The following GABRB3 variants were observed in gnomAD, a reference collection of about 807,000 sequenced individuals.
GABRB3 encodes the protein gamma-aminobutyric acid type A receptor subunit beta3.
In GABRB3, 14 loss-of-function variants were observed where a neutral mutation model predicts 52.1. That is an observed-to-expected ratio of 0.27 (90% CI 0.18 to 0.42). The LOEUF (loss-of-function observed/expected upper bound fraction) is 0.42, where lower values mean the gene tolerates loss of function less well. Among genes scored for constraint, GABRB3 ranks in the 10% least tolerant of loss-of-function variants. The pLI, the probability that GABRB3 is intolerant of heterozygous loss-of-function variation, is 1.00. For missense variants in GABRB3, 307 were observed against 609.1 expected, an observed-to-expected ratio of 0.50 and a Z score of 5.22; for synonymous variants, 260 against 232.3, an observed-to-expected ratio of 1.12 and a Z score of -1.08.
chr15:26,604,707 A>G (rs1489767547), intron 4 of GABRB3, among the ~76,000 whole-genome samples: 2 of 150,422 alleles, frequency 1.3e-5, no homozygotes, highest in Non-Finnish European at 3.0e-5. Context: ...AAAACTGGAT[A>G]ACCGGATGCA....
At chr15:26,664,222 T>A (rs1887633711) in intron 3 of GABRB3, among the ~76,000 whole-genome samples, 1 of 152,190 alleles carries the variant, frequency 6.6e-6, no homozygotes, top group African/African-American at 2.4e-5. Context: ...GATTTTTAAA[T>A]TTTTTGTAGA....
intron 3 of GABRB3, among the ~76,000 whole-genome samples, chr15:26,714,313 G>A (rs552978100): frequency 2.0e-5 from 3 of 152,264 alleles, no homozygotes; most frequent in Non-Finnish European, 4.4e-5. Flanking sequence ...CCAAAAATCC[G>A]AGACAGGTTT....
chr15:26,592,547 A>C (rs937225739), intron 4 of GABRB3, among the ~76,000 whole-genome samples: 2 of 152,192 alleles, frequency 1.3e-5, no homozygotes, highest in Non-Finnish European at 2.9e-5. Context: ...GAGGCAAAAG[A>C]ACATTCTGAA....
Position 26,547,681 on chromosome 15 carries a change from T to C in GABRB3, c.*112A>G. 1.3e-6 allele frequency: 1 copy of C among 784,422 alleles called. No homozygotes were observed. 48.6% of individuals were successfully genotyped at this position (784,422 alleles called of 1,614,324 possible). On this transcript the variant is annotated 3_prime_UTR_variant, in exon 9 of 9. Coordinates refer to ENST00000311550, the MANE Select transcript of GABRB3 (RefSeq NM_000814.6). Reference sequence around the variant, plus strand: ...ATATATATACAATTGCGTATGTATATATGTGTGTGTCTGCTTGTGTGTCTG... The same window carrying C: ...ATATATATACAATTGCGTATGTATACATGTGTGTGTCTGCTTGTGTGTCTG...
intron 3 of GABRB3, among the ~76,000 whole-genome samples, chr15:26,740,050 T>A (rs1890161928): frequency 6.6e-6 from 1 of 152,158 alleles, no homozygotes; most frequent in Non-Finnish European, 1.5e-5. Context: ...AACAAAATGA[T>A]CTTCCTCTAA....
intron 3 of GABRB3, among the ~76,000 whole-genome samples, chr15:26,710,367 T>C (rs1889254272): frequency 6.6e-6 from 1 of 152,192 alleles, no homozygotes; most frequent in South Asian, 2.1e-4. Context: ...GTTCAAATGA[T>C]TCTTCTGCCT....
At chr15:26,711,164 T>C (rs910913621) in intron 3 of GABRB3, among the ~76,000 whole-genome samples, 8 of 152,240 alleles carry the variant, frequency 5.3e-5, no homozygotes, top group African/African-American at 1.9e-4. Flanking sequence ...ATCATTGGCC[T>C]ATATTAATGA....
intron 4 of GABRB3, chr15:26,614,698 T>A (rs958124391): frequency 1.3e-5 from 2 of 152,204 alleles, no homozygotes; most frequent in Non-Finnish European, 2.9e-5. Context: ...AACCACCATA[T>A]AAAACAGTTT....
intron 3 of GABRB3, among the ~76,000 whole-genome samples, chr15:26,715,676 ATGT>A (rs1158974266): frequency 1.3e-5 from 2 of 152,204 alleles, no homozygotes; most frequent in African/African-American, 4.8e-5. Context: ...ATGCTAGAAA[ATGT>A]TGTTAAGGTG....
chr15:26,718,946 T>C (rs1398668967), intron 3 of GABRB3, among the ~76,000 whole-genome samples: 5 of 151,166 alleles, frequency 3.3e-5, no homozygotes, highest in African/African-American at 9.7e-5. Context: ...CTTCACCCTC[T>C]GGTGTCCTGG....
At chr15:26,600,986 G>A (rs1012886628) in intron 4 of GABRB3, among the ~76,000 whole-genome samples, 1 of 152,064 alleles carries the variant, frequency 6.6e-6, no homozygotes, top group African/African-American at 2.4e-5. Context: ...AAATGTGTGT[G>A]GGGGGGAGTA....
chr15:26,727,151 T>G (rs1889794723), intron 3 of GABRB3, among the ~76,000 whole-genome samples: 1 of 152,132 alleles, frequency 6.6e-6, no homozygotes, highest in South Asian at 2.1e-4. Flanking sequence ...AGAACAAGAC[T>G]CGGTCTCAGG....
chr15:26,646,978 G>A (rs896798469), intron 3 of GABRB3, among the ~76,000 whole-genome samples: 2 of 152,074 alleles, frequency 1.3e-5, no homozygotes, highest in Non-Finnish European at 2.9e-5. Flanking sequence ...CGAGTAGCTG[G>A]GACTACAGGC....
chr15:26,696,608 C>T (rs1378438719), intron 3 of GABRB3, among the ~76,000 whole-genome samples: 1 of 152,174 alleles, frequency 6.6e-6, no homozygotes, highest in Admixed American at 6.5e-5. Flanking sequence ...TAGCTTGACA[C>T]TGGATCAACA....
At chr15:26,732,120 AGACAGATG>A (rs1335747279) in intron 3 of GABRB3, among the ~76,000 whole-genome samples, 3 of 151,290 alleles carry the variant, frequency 2.0e-5, no homozygotes, top group African/African-American at 7.3e-5. Flanking sequence ...ATGGATGGAC[AGACAGATG>A]GACAGATGGA....
intron 3 of GABRB3, among the ~76,000 whole-genome samples, chr15:26,741,032 C>T (rs1890191811): frequency 2.3e-5 from 3 of 133,324 alleles, no homozygotes; most frequent in South Asian, 4.6e-4. Context: ...GCAGGATGGG[C>T]GAGGGAGGAA....
intron 3 of GABRB3, among the ~76,000 whole-genome samples, chr15:26,627,576 G>A (rs1268237489): frequency 6.6e-6 from 1 of 151,866 alleles, no homozygotes; most frequent in East Asian, 1.9e-4. Flanking sequence ...CAGCCCTCAT[G>A]GATGACTTTG....
At chr15:26,729,261 C>T (rs571501119) in intron 3 of GABRB3, among the ~76,000 whole-genome samples, 5 of 152,108 alleles carry the variant, frequency 3.3e-5, no homozygotes, top group South Asian at 2.1e-4. Flanking sequence ...ACACTGCCTC[C>T]GACTGGCCCT....
At chr15:26,772,226 G>A (rs1891167417) in intron 3 of GABRB3, 176 bp downstream of exon 3, 1 of 526,292 alleles carries the variant, frequency 1.9e-6, no homozygotes, top group East Asian at 3.5e-5. Flanking sequence ...GAGCGCCCGG[G>A]GCGGGTGCAG....
Sources: allele counts gnomAD v4.1 joint callset (sites outside exome capture counted in the v4.1 genomes callset), GRCh38; gene constraint gnomAD v4.1.1; transcripts MANE v1.5; gene names NCBI Gene and HGNC (gene_info 2026-07-23, HGNC 2026-07-21).